MGLL: variants seen among roughly 807,000 people sequenced by gnomAD.
MGLL encodes the protein lysophospholipase homolog.
Under a neutral mutation model 29.1 loss-of-function variants are expected in MGLL, and 7 were observed. The ratio of observed to expected loss-of-function variants is 0.24; its 90% CI spans 0.14 to 0.45. MGLL has a LOEUF of 0.45. MGLL is among the 20% of genes least tolerant of loss of function. MGLL has a pLI of 0.99. For synonymous variants in MGLL, 148 were observed against 168.3 expected (o/e 0.88, Z 0.93); for missense variants, 356 against 413.6 (o/e 0.86, Z 1.21).
At chr3:127,754,424 GGGAA>G (rs2076619975) in intron 3 of MGLL, among the ~76,000 whole-genome samples, 1 of 151,992 alleles carries the variant, frequency 6.6e-6, no homozygotes, top group South Asian at 2.1e-4. Flanking sequence ...GCCGTCTTCA[GGGAA>G]GGGCCTCCCC....
At chr3:127,801,540 C>T (rs1056795524) in intron 2 of MGLL, among the ~76,000 whole-genome samples, 40 of 151,472 alleles carry the variant, frequency 2.6e-4, no homozygotes, top group Non-Finnish European at 4.0e-4. Flanking sequence ...CACTTGAACC[C>T]GGGAGGCGGA....
chr3:127,715,906 A>G (rs994475705), intron 5 of MGLL: 2 of 445,814 alleles, frequency 4.5e-6, no homozygotes, highest in Admixed American at 2.4e-5. Flanking sequence ...TTTTCCATCA[A>G]GTGTTTCAAA....
chr3:127,748,791 C>A (rs748107851), intron 3 of MGLL, among the ~76,000 whole-genome samples: 2 of 152,188 alleles, frequency 1.3e-5, no homozygotes, highest in African/African-American at 2.4e-5. Context: ...CTGGCCCTAG[C>A]GGACTCATAC....
intron 2 of MGLL, among the ~76,000 whole-genome samples, chr3:127,784,948 C>A (rs1225865544): frequency 6.6e-6 from 1 of 152,208 alleles, no homozygotes; most frequent in Admixed American, 6.5e-5. Flanking sequence ...AAACACCTCT[C>A]CCCCTCTGCC....
At chr3:127,716,400 C>A (rs1559918393) in intron 5 of MGLL, among the ~76,000 whole-genome samples, 1 of 152,210 alleles carries the variant, frequency 6.6e-6, no homozygotes, top group Non-Finnish European at 1.5e-5. Context: ...TAAGGAGAGG[C>A]CCAATAAATA....
intron 5 of MGLL, among the ~76,000 whole-genome samples, chr3:127,718,712 G>A (rs1270634926): frequency 1.3e-5 from 2 of 152,200 alleles, no homozygotes; most frequent in Admixed American, 1.3e-4. Flanking sequence ...AGCGTTGACG[G>A]GAGTTGCAGA....
intron 2 of MGLL, among the ~76,000 whole-genome samples, chr3:127,799,879 C>A (rs2077447076): frequency 6.6e-6 from 1 of 152,236 alleles, no homozygotes; most frequent in Non-Finnish European, 1.5e-5. Flanking sequence ...TGGTAGACTG[C>A]AAACTGATTG....
chr3:127,692,691 C>G (rs758114883), intron 7 of MGLL, among the ~76,000 whole-genome samples: 2 of 152,212 alleles, frequency 1.3e-5, no homozygotes, highest in Non-Finnish European at 2.9e-5. Context: ...TCATCCCAAG[C>G]CGACTTCCAC....
At chr3:127,772,636 G>A (rs2076968750) in intron 3 of MGLL, among the ~76,000 whole-genome samples, 1 of 152,198 alleles carries the variant, frequency 6.6e-6, no homozygotes, top group Non-Finnish European at 1.5e-5. Context: ...AGCAACTAGG[G>A]AGAGGCTGGA....
chr3:127,702,375 T>C (rs895188492), intron 6 of MGLL, among the ~76,000 whole-genome samples: 1 of 152,164 alleles, frequency 6.6e-6, no homozygotes, highest in Non-Finnish European at 1.5e-5. Flanking sequence ...CCCGGCTCGA[T>C]AGACCCAAGC....
chr3:127,799,552 C>T (rs2077441949), intron 2 of MGLL: 2 of 152,218 alleles, frequency 1.3e-5, no homozygotes, highest in Admixed American at 1.3e-4. Flanking sequence ...AAGTGGGCTA[C>T]CTCAAGTCCT....
intron 6 of MGLL, among the ~76,000 whole-genome samples, chr3:127,709,606 C>T (rs922734074): frequency 1.3e-5 from 2 of 152,212 alleles, no homozygotes; most frequent in African/African-American, 4.8e-5. Context: ...CTGCACTCCA[C>T]TTCCCAGGGC....
At chr3:127,735,916 G>T (rs926941792) in intron 3 of MGLL, 1 of 1,524,120 alleles carries the variant, frequency 6.6e-7, no homozygotes, top group African/African-American at 1.4e-5. Context: ...GGGGCAGCTG[G>T]TCTGCACCTT....
chr3:127,785,104 C>T (rs762735950), intron 2 of MGLL, among the ~76,000 whole-genome samples: 27 of 152,226 alleles, frequency 1.8e-4, no homozygotes, highest in Non-Finnish European at 2.2e-4. Flanking sequence ...CCTGGAAGCC[C>T]GCCTGTGCTG....
At chr3:127,725,055 A>C (rs1241241058) in intron 3 of MGLL, among the ~76,000 whole-genome samples, 1 of 150,482 alleles carries the variant, frequency 6.6e-6, no homozygotes, top group Non-Finnish European at 1.5e-5. Context: ...GGTGGTCCAC[A>C]CTCATGGCCC....
At chr3:127,751,794 A>G (rs1015232018) in intron 3 of MGLL, among the ~76,000 whole-genome samples, 2 of 152,214 alleles carry the variant, frequency 1.3e-5, no homozygotes, top group Non-Finnish European at 2.9e-5. Context: ...GGCTTGATTG[A>G]AACTGTCCCT....
chr3:127,784,283 G>T (rs532078768), intron 2 of MGLL, among the ~76,000 whole-genome samples: 1 of 152,186 alleles, frequency 6.6e-6, no homozygotes, highest in South Asian at 2.1e-4. Context: ...ACTCCCAGGG[G>T]ACCTCTGGGT....
intron 6 of MGLL, among the ~76,000 whole-genome samples, chr3:127,704,885 G>T (rs184595857): frequency 2.6e-5 from 4 of 152,248 alleles, no homozygotes; most frequent in Admixed American, 6.5e-5. Flanking sequence ...ACACCCAAAG[G>T]AATATAAATC....
At chr3:127,723,084 G>A (rs1488492900) in intron 3 of MGLL, among the ~76,000 whole-genome samples, 1 of 152,198 alleles carries the variant, frequency 6.6e-6, no homozygotes, top group Non-Finnish European at 1.5e-5. Flanking sequence ...TGTAGTCATC[G>A]GGTGTGCTTG....
Sources: allele counts gnomAD v4.1 joint callset (sites outside exome capture counted in the v4.1 genomes callset), GRCh38; gene constraint gnomAD v4.1.1; transcripts MANE v1.5; gene names NCBI Gene and HGNC (gene_info 2026-07-23, HGNC 2026-07-21).